DACH2: variants seen among roughly 807,000 people sequenced by gnomAD.
DACH2 encodes dachshund family transcription factor 2.
DACH2 carries 17 observed loss-of-function variants against 35.8 expected under a neutral mutation model. That is an observed-to-expected ratio of 0.48 (90% CI 0.33 to 0.71). The LOEUF (loss-of-function observed/expected upper bound fraction) is 0.71. Among genes scored for constraint, DACH2 ranks in the 30% least tolerant of loss-of-function variants. The probability of loss-of-function intolerance (pLI) is 0.02; values close to 1 mark genes in which losing one functional copy is unlikely to be tolerated. For missense variants in DACH2, 469 were observed against 472.7 expected, an observed-to-expected ratio of 0.99 and a Z score of 0.07; for synonymous variants, 195 against 177.3, an observed-to-expected ratio of 1.10 and a Z score of -0.79.
intron 1 of DACH2, among the ~76,000 whole-genome samples, chrX:86,193,366 A>G (rs1354098898): frequency 7.2e-5 from 8 of 111,759 alleles, no homozygotes. Context: ...GGTTTTACTT[A>G]AACTGATGCC....
intron 3 of DACH2, among the ~76,000 whole-genome samples, chrX:86,524,672 C>T (rs1257615183): frequency 9.0e-6 from 1 of 111,709 alleles, no homozygotes; most frequent in Non-Finnish European, 1.9e-5. Context: ...GTCAGTGCTC[C>T]TTATTCTATA....
intron 2 of DACH2, among the ~76,000 whole-genome samples, chrX:86,394,091 C>T (rs1276934096): frequency 9.2e-6 from 1 of 109,180 alleles, no homozygotes; most frequent in African/African-American, 3.3e-5. Flanking sequence ...GATCACCTTC[C>T]TCCCCTGTAA....
intron 5 of DACH2, among the ~76,000 whole-genome samples, chrX:86,713,973 G>A (rs926846017): frequency 4.5e-5 from 5 of 111,297 alleles, no homozygotes; most frequent in Admixed American, 9.6e-5. Context: ...TTTGATAGGG[G>A]AGTTATTATT....
chrX:86,288,137 C>T lies in DACH2; in HGVS notation c.489-88687C>T, dbSNP rs146138344. ...GTTAGCTCTGTGACTCTTGCAGACT[C>T]CTAGAGGTATTACCTTGATGGTCTT... On this transcript the variant is annotated intron_variant, in intron 1 of 11. Coordinates refer to ENST00000373125, the MANE Select transcript of DACH2 (RefSeq NM_053281.3). Among the ~76,000 whole-genome samples the T allele has an allele frequency of 5.1e-3, 570 of 112,481 alleles. 4 individuals are homozygous for T. The highest frequency in any genetic ancestry group is 0.017 in the African/African-American group (541 of 31,023).
chrX:86,740,935 A>C (rs960357698), intron 7 of DACH2, among the ~76,000 whole-genome samples: 1 of 111,495 alleles, frequency 9.0e-6, no homozygotes, highest in Non-Finnish European at 1.9e-5. Flanking sequence ...CGACAGGTAC[A>C]TTCAGCTGTA....
At chrX:86,424,647 C>T (rs780142109) in intron 2 of DACH2, among the ~76,000 whole-genome samples, 2 of 111,239 alleles carry the variant, frequency 1.8e-5, no homozygotes, top group Admixed American at 1.9e-4. Context: ...TAACTTCTTC[C>T]TTTTCAATTT....
chrX:86,624,868 T>A (rs976733388), intron 3 of DACH2, among the ~76,000 whole-genome samples: 3 of 111,544 alleles, frequency 2.7e-5, no homozygotes, highest in Admixed American at 9.6e-5. Flanking sequence ...AGCATTGTGC[T>A]GGGCCAACCC....
intron 1 of DACH2, among the ~76,000 whole-genome samples, chrX:86,277,947 A>G (rs1203927291): frequency 8.9e-6 from 1 of 111,990 alleles, no homozygotes; most frequent in South Asian, 3.7e-4. Context: ...TGCAACAACA[A>G]TGGACCATTT....
intron 2 of DACH2, among the ~76,000 whole-genome samples, chrX:86,418,588 C>A (rs1652435927): frequency 9.0e-6 from 1 of 111,655 alleles, no homozygotes; most frequent in Non-Finnish European, 1.9e-5. Flanking sequence ...AGCTGAGATG[C>A]AGGACACCAA....
intron 7 of DACH2, among the ~76,000 whole-genome samples, chrX:86,777,757 T>C (rs2042049806): frequency 9.0e-6 from 1 of 111,395 alleles, no homozygotes; most frequent in African/African-American, 3.3e-5. Context: ...AATAAATAGT[T>C]CGTCAACACC....
chrX:86,383,528 C>T (rs1569371308), intron 2 of DACH2, among the ~76,000 whole-genome samples: 1 of 101,994 alleles, frequency 9.8e-6, no homozygotes, highest in Non-Finnish European at 2.0e-5. Flanking sequence ...AAGTCAAAAC[C>T]ATGGACACGT....
chrX:86,592,645 C>T (rs2039662047), intron 3 of DACH2, among the ~76,000 whole-genome samples: 1 of 112,262 alleles, frequency 8.9e-6, no homozygotes, highest in Admixed American at 9.5e-5. Context: ...TAATTGCTTA[C>T]ATCCATGAAT....
At chrX:86,755,901 T>C (rs889839664) in intron 7 of DACH2, among the ~76,000 whole-genome samples, 2 of 110,957 alleles carry the variant, frequency 1.8e-5, no homozygotes, top group Admixed American at 1.9e-4. Context: ...TCGGCCGACC[T>C]GATTTTTTTT....
At chrX:86,442,143 C>T (rs911834270) in intron 2 of DACH2, among the ~76,000 whole-genome samples, 3 of 110,351 alleles carry the variant, frequency 2.7e-5, no homozygotes, top group Non-Finnish European at 5.7e-5. Flanking sequence ...CCTGGGATTA[C>T]AGGCATGGGT....
chrX:86,417,095 A>AAAG (rs2036718005), intron 2 of DACH2, among the ~76,000 whole-genome samples: 1 of 101,353 alleles, frequency 9.9e-6, no homozygotes, highest in African/African-American at 3.6e-5. Context: ...ATCTCAAAAA[A>AAAG]AAAAAAAAAA....
intron 1 of DACH2, among the ~76,000 whole-genome samples, chrX:86,265,269 C>T (rs1342604014): frequency 9.0e-6 from 1 of 111,259 alleles, no homozygotes; most frequent in Admixed American, 9.6e-5. Flanking sequence ...GTGATCTTCT[C>T]TTAAGGAAAC....
chrX:86,343,319 G>A (rs965037700), intron 1 of DACH2, among the ~76,000 whole-genome samples: 1 of 111,152 alleles, frequency 9.0e-6, no homozygotes, highest in Admixed American at 9.6e-5. Context: ...GGGCAGAGCT[G>A]TTTGATGTCT....
intron 10 of DACH2, 112 bp from the exon 11 acceptor site, chrX:86,815,922 C>A: frequency 2.1e-6 from 1 of 477,369 alleles, no homozygotes; most frequent in Non-Finnish European, 3.2e-6. Flanking sequence ...AAATGCCACC[C>A]AAGGTCTTAT....
At chrX:86,723,869 CA>C (rs1297190898) in intron 6 of DACH2, among the ~76,000 whole-genome samples, 2 of 109,296 alleles carry the variant, frequency 1.8e-5, no homozygotes, top group Admixed American at 1.9e-4. Context: ...TTATCAATAG[CA>C]CTTGAGTTGT....
Sources: gnomAD v4.1 joint callset for allele counts (sites outside exome capture counted in the v4.1 genomes callset) on GRCh38, gnomAD v4.1.1 for gene constraint, MANE v1.5 for transcripts, NCBI Gene and HGNC (gene_info 2026-07-23, HGNC 2026-07-21) for gene names.